LRCH3: variants seen among roughly 807,000 people sequenced by gnomAD.
The protein encoded by LRCH3 is leucine rich repeats and calponin homology domain containing 3.
A neutral mutation model predicts 104.5 loss-of-function variants in LRCH3; 68 were observed. The ratio of observed to expected loss-of-function variants is 0.65; its 90% CI spans 0.54 to 0.80. The LOEUF (loss-of-function observed/expected upper bound fraction) is 0.80. Ranked by LOEUF, LRCH3 falls within the 30% of genes least tolerant of loss-of-function variation. The probability of loss-of-function intolerance (pLI) is 0.00; values close to 1 mark genes in which losing one functional copy is unlikely to be tolerated. For synonymous variants in LRCH3, 344 were observed against 361.3 expected, an observed-to-expected ratio of 0.95 and a Z score of 0.54; for missense variants, 951 against 953.9, an observed-to-expected ratio of 1.00 and a Z score of 0.04.
intron 9 of LRCH3, among the ~76,000 whole-genome samples, chr3:197,836,839 G>A (rs534675291): frequency 1.3e-3 from 203 of 152,004 alleles, no homozygotes; most frequent in African/African-American, 4.8e-3. Flanking sequence ...CACCATGCCC[G>A]GCTAATTTTT....
rs1467495899 is a variant in LRCH3 at position 197,856,386 on chromosome 3, T to C, written c.1644+1941T>C. ...TGGGTGTTTATTATTTTATTTTGTA[T>C]TTTTAAATTTAATTTTATTCTTTAT... On this transcript the variant is annotated intron_variant, in intron 14 of 20. Coordinates refer to ENST00000425562, the MANE Select transcript of LRCH3 (RefSeq NM_001365715.1). This position sits in a 1 kb window ranked among gnomAD's most constrained non-coding sequence, Gnocchi z 4.2. Among the ~76,000 whole-genome samples the C allele has an allele frequency of 6.6e-6, 1 of 151,878 alleles. No homozygotes were observed. The highest frequency in any genetic ancestry group is 1.5e-5 in the Non-Finnish European group (1 of 67,970).
chr3:197,830,455 C>T (rs1462112186), intron 6 of LRCH3, among the ~76,000 whole-genome samples: 3 of 152,148 alleles, frequency 2.0e-5, no homozygotes, highest in Non-Finnish European at 2.9e-5. Context: ...AAAAGAGAAC[C>T]TCTCAGGCCT....
At chr3:197,847,386 T>C in intron 10 of LRCH3, 23 bp from the exon 11 acceptor site, 3 of 1,566,668 alleles carry the variant, frequency 1.9e-6, no homozygotes, top group Admixed American at 4.3e-5. Flanking sequence ...GTTTTTTTCT[T>C]TCTTTTTTCT....
At chr3:197,817,077 C>T in intron 2 of LRCH3, 99 bp from the exon 3 acceptor site, 2 of 1,068,582 alleles carry the variant, frequency 1.9e-6, no homozygotes, top group Non-Finnish European at 2.6e-6. Flanking sequence ...TCTTGCAAGA[C>T]TCATATTTGT....
chr3:197,885,170 C>T lies in LRCH3; in HGVS notation c.*1504C>T, dbSNP rs1714100379. On this transcript the variant is annotated 3_prime_UTR_variant, in exon 21 of 21. Transcript: ENST00000425562. ...TAGCGCACTTGGTCTCACTGAGCCT[C>T]CCTCCCCGCCCTCCTGCTGCTCCTC... The T allele has an allele frequency of 6.6e-6, 1 of 152,316 alleles. No individual in the cohort carries two copies. The allele number at this position is 152,316 out of a possible 1,614,324, so 9.4% of individuals were successfully genotyped here.
intron 1 of LRCH3, among the ~76,000 whole-genome samples, chr3:197,800,294 C>T (rs1196296516): frequency 6.6e-6 from 1 of 151,916 alleles, no homozygotes; most frequent in Non-Finnish European, 1.5e-5. Flanking sequence ...CCAATAAATG[C>T]AACAGATTAG....
intron 15 of LRCH3, among the ~76,000 whole-genome samples, chr3:197,863,273 T>C (rs907151065): frequency 1.4e-4 from 22 of 152,194 alleles, no homozygotes; most frequent in Non-Finnish European, 2.8e-4. Context: ...TATTTATTTA[T>C]TTATTTTGAG....
At chr3:197,819,334 CTT>C (rs11318373) in intron 3 of LRCH3, among the ~76,000 whole-genome samples, 65 of 146,954 alleles carry the variant, frequency 4.4e-4, no homozygotes, top group Non-Finnish European at 4.3e-4. Flanking sequence ...ATGCTTTCAA[CTT>C]TTTTTTTTTT....
At chr3:197,812,504 G>GTTTGTTTTTTTTTTTTTT in intron 1 of LRCH3, among the ~76,000 whole-genome samples, 1 of 48,956 alleles carries the variant, frequency 2.0e-5, no homozygotes, top group East Asian at 7.0e-4. Context: ...TCTGCTTTCA[G>GTTTGTTTTTTTTTTTTTT]TTTTTTTTTT....
intron 19 of LRCH3, among the ~76,000 whole-genome samples, chr3:197,873,590 A>T (rs918959340): frequency 4.6e-5 from 7 of 152,136 alleles, no homozygotes; most frequent in Non-Finnish European, 1.0e-4. Context: ...AAAAATACTT[A>T]AAAAAATTAG....
At chr3:197,830,934 C>T (rs950863294) in intron 7 of LRCH3, 71 bp downstream of exon 7, 10 of 1,294,736 alleles carry the variant, frequency 7.7e-6, no homozygotes, top group East Asian at 4.7e-5. Context: ...AAATGAAAAG[C>T]GTCTTAACTG....
chr3:197,883,425 T>C lies in LRCH3; in HGVS notation c.2209-116T>C, dbSNP rs1713957672. On this transcript the variant is annotated intron_variant, in intron 20 of 20. Coordinates refer to ENST00000425562, the MANE Select transcript of LRCH3 (RefSeq NM_001365715.1). This position sits in a 1 kb window ranked among gnomAD's most constrained non-coding sequence, Gnocchi z 4.2. ...GAGGTCAGTTTCCCAGGTACTAATT[T>C]TCATATCTAAGTTGATGATTGTGAA... 7.1e-7 allele frequency: 1 copy of C among 1,406,796 alleles called. No homozygotes were observed. 87.1% of individuals were successfully genotyped at this position (1,406,796 alleles called of 1,614,324 possible).
chr3:197,814,287 G>C (rs1733563913), intron 1 of LRCH3, among the ~76,000 whole-genome samples: 1 of 152,186 alleles, frequency 6.6e-6, no homozygotes, highest in African/African-American at 2.4e-5. Context: ...GTAAGATCTC[G>C]TGAGACTTAG....
chr3:197,883,782 C>G lies in LRCH3; in HGVS notation c.*116C>G. 9.4e-7 allele frequency: 1 copy of G among 1,068,008 alleles called. No individual in the cohort carries two copies. The highest frequency in any genetic ancestry group is 1.2e-6 in the Non-Finnish European group (1 of 802,996). The allele number at this position is 1,068,008 out of a possible 1,614,324, so 66.2% of individuals were successfully genotyped here. ...TTGTGTGTTCTCAGAAGGGACCGTT[C>G]CCATGATTCCTAACAGGAATATTTT... On this transcript the variant is annotated 3_prime_UTR_variant, in exon 21 of 21. Coordinates refer to ENST00000425562, the MANE Select transcript of LRCH3 (RefSeq NM_001365715.1). The surrounding 1 kb of genome is among the most constrained non-coding windows in gnomAD (Gnocchi z 4.2).
chr3:197,829,722 C>A, intron 6 of LRCH3, 49 bp downstream of exon 6: 2 of 1,271,910 alleles, frequency 1.6e-6, no homozygotes, highest in Middle Eastern at 1.9e-4. Context: ...TACAGAGAAT[C>A]AAATAAAATG....
intron 1 of LRCH3, among the ~76,000 whole-genome samples, chr3:197,814,142 A>C (rs1190753008): frequency 6.6e-6 from 1 of 152,182 alleles, no homozygotes; most frequent in Non-Finnish European, 1.5e-5. Context: ...GAACAAAAGG[A>C]GGTTTAATGG....
chr3:197,814,514 A>G (rs2109183030), intron 1 of LRCH3, among the ~76,000 whole-genome samples: 1 of 152,310 alleles, frequency 6.6e-6, no homozygotes, highest in South Asian at 2.1e-4. Context: ...AGTTCAATAT[A>G]TGTGATGAAT....
Position 197,838,597 on chromosome 3 carries a change from T to G in LRCH3, c.1252-724T>G, listed in dbSNP as rs906047235. Among the ~76,000 whole-genome samples, 2 of 151,978 alleles carry G rather than the reference T, an allele frequency of 1.3e-5. 1 individual carries two copies. The highest frequency in any genetic ancestry group is 4.1e-4 in the South Asian group (2 of 4,836). On this transcript the variant is annotated intron_variant, in intron 9 of 20. Transcript: ENST00000425562. Reference sequence around the variant, plus strand: ...ACAAGATTGTATTGCTTCTATAGGTTTTCCTTTGATAACCTTTAATCCTCT... The same window carrying G: ...ACAAGATTGTATTGCTTCTATAGGTGTTCCTTTGATAACCTTTAATCCTCT...
rs149002166 is a variant in LRCH3, at chr3:197,794,832, C to T, written c.262+3292C>T. The stretch of plus-strand genomic sequence containing the variant: ...CCAGCTTGGCTAACATGGTGAAACC[C>T]GGTCTCAACTAAAAATACAAAAATT... On this transcript the variant is annotated intron_variant, in intron 1 of 20. Coordinates refer to ENST00000425562, the MANE Select transcript of LRCH3 (RefSeq NM_001365715.1). 8.2e-3 allele frequency among the ~76,000 whole-genome samples: 1,250 copies of T among 152,074 alleles called. 14 individuals carry two copies. Among genetic ancestry groups the T allele is most frequent in the African/African-American group, 0.028 (1,177 of 41,476 alleles).
Sources: allele counts gnomAD v4.1 joint callset (sites outside exome capture counted in the v4.1 genomes callset), GRCh38; gene constraint gnomAD v4.1.1; non-coding constraint Gnocchi (gnomAD v3.1); transcripts MANE v1.5; gene names NCBI Gene and HGNC (gene_info 2026-07-23, HGNC 2026-07-21).